The following HHIPL1 variants were observed in gnomAD, a reference collection of about 807,000 sequenced individuals.
HHIPL1 encodes the protein HHIP-like protein 1.
HHIPL1 carries 43 observed loss-of-function variants against 61.8 expected under a neutral mutation model. That is an observed-to-expected ratio of 0.70 (90% CI 0.55 to 0.90). HHIPL1 has a LOEUF of 0.90. Ranked by LOEUF, HHIPL1 falls within the 40% of genes least tolerant of loss-of-function variation. The pLI, the probability that HHIPL1 is intolerant of heterozygous loss-of-function variation, is 0.00. For missense variants in HHIPL1, 1,056 were observed against 1,157.7 expected, an observed-to-expected ratio of 0.91 and a Z score of 1.28; for synonymous variants, 482 against 515.8, an observed-to-expected ratio of 0.93 and a Z score of 0.89.
chr14:99,637,216 GAAAGAA>G, the HHIPL1 span, among the ~76,000 whole-genome samples: 3 of 121,632 alleles, frequency 2.5e-5, no homozygotes, highest in Admixed American at 1.6e-4. Context: ...AAGAAAGAAA[GAAAGAA>G]AGAAAGAAAG....
At chr14:99,635,915 G>A in the HHIPL1 span, among the ~76,000 whole-genome samples, 1 of 152,192 alleles carries the variant, frequency 6.6e-6, no homozygotes, top group Non-Finnish European at 1.5e-5. Flanking sequence ...GAAACGTGGA[G>A]CAGGAGTCCT....
Position 99,657,038 on chromosome 14 carries a change from A to G in HHIPL1, c.941A>G (p.Asn314Ser). ...GTCAAAGAACCAGCCTCAAACCACA[A>G]CGGGGGCCAGCTGCTTTTCGGGGAT... ...LEVKEPASNH[N>S]GGQLLFGDDG... The change falls in exon 3 of 9, where the codon AAC (asparagine) becomes AGC (serine). Residue 314 changes from asparagine (N) to serine (S), a missense_variant. Transcript: ENST00000330710. 3.1e-6 allele frequency: 5 copies of G among 1,613,500 alleles called. No individual in the cohort carries two copies. Among genetic ancestry groups the G allele is most frequent in the Non-Finnish European group, 4.2e-6 (5 of 1,179,758 alleles).
chr14:99,636,631 C>T, the HHIPL1 span, among the ~76,000 whole-genome samples: 1 of 151,786 alleles, frequency 6.6e-6, no homozygotes, highest in African/African-American at 2.4e-5. Flanking sequence ...AGTGAATTGC[C>T]CTTTAGTGTA....
intron 1 of HHIPL1, among the ~76,000 whole-genome samples, chr14:99,648,524 G>A (rs913438129): frequency 1.3e-5 from 2 of 152,204 alleles, no homozygotes; most frequent in Non-Finnish European, 2.9e-5. Context: ...GGAGTGGACA[G>A]ACATGCAAAG....
chr14:99,610,717 T>C, the HHIPL1 span, among the ~76,000 whole-genome samples: 3 of 152,016 alleles, frequency 2.0e-5, no homozygotes, highest in African/African-American at 4.8e-5. Flanking sequence ...GCAGAGATCA[T>C]GCCACTGCAC....
the HHIPL1 span, among the ~76,000 whole-genome samples, chr14:99,636,023 C>T: frequency 6.6e-6 from 1 of 152,136 alleles, no homozygotes; most frequent in African/African-American, 2.4e-5. Context: ...CCACTTGTGG[C>T]TTCAGGAAGA....
Position 99,672,298 on chromosome 14 carries a change from T to C in HHIPL1, c.1731-19T>C, listed in dbSNP as rs1260376713. 5.8e-6 allele frequency: 9 copies of C among 1,550,004 alleles called. No homozygotes were observed. The Admixed American group carries it at 1.6e-4, about 27-fold the overall frequency. ...GGCTCCCAGGGTGAGACTCATAACC[T>C]CCTGTGTGTCGTTGGCAGGCGGGCA... On this transcript the variant is annotated intron_variant, in intron 7 of 8. Transcript: ENST00000330710.
Position 99,662,981 on chromosome 14 carries a change from C to T in HHIPL1, c.1608C>T (p.Asn536=), listed in dbSNP as rs1363052169. 6.2e-7 allele frequency: 1 copy of T among 1,613,784 alleles called. No individual in the cohort carries two copies. Among genetic ancestry groups the T allele is most frequent in the Non-Finnish European group, 8.5e-7 (1 of 1,179,852 alleles). Residue 536 remains asparagine, a synonymous_variant, in exon 6 of 9, where the codon AAC becomes AAT. Transcript: ENST00000330710. ...QTCEFPGLIN[N]YYPYIISFGE... Reference sequence around the variant, plus strand: ...GTGAGTTCCCAGGCCTCATCAACAACTACTACCCGTACATCATCTCCTTCG... The same window carrying T: ...GTGAGTTCCCAGGCCTCATCAACAATTACTACCCGTACATCATCTCCTTCG...
At chr14:99,646,212 A>T (rs747993748) in intron 1 of HHIPL1, among the ~76,000 whole-genome samples, 1 of 152,216 alleles carries the variant, frequency 6.6e-6, no homozygotes, top group Non-Finnish European at 1.5e-5. Context: ...CCAGGGCCTG[A>T]CCACACCCAA....
chr14:99,646,134 G>A lies in HHIPL1; in HGVS notation c.255+672G>A, dbSNP rs962701205. On this transcript the variant is annotated intron_variant, in intron 1 of 8. Transcript: ENST00000330710. ...CCCCCATCTTCCCTCTGAGGGTGGA[G>A]CCCCTGCTTCTGTGCACACCTGGTG... Among the ~76,000 whole-genome samples the A allele has an allele frequency of 6.6e-5, 10 of 152,286 alleles. No individual in the cohort carries two copies. The East Asian group carries it at 1.2e-3, about 18-fold the overall frequency.
chr14:99,675,758 CAT>C lies in HHIPL1; in HGVS notation c.*133_*134del. On this transcript the variant is annotated 3_prime_UTR_variant, in exon 9 of 9. Coordinates refer to ENST00000330710, the MANE Select transcript of HHIPL1 (RefSeq NM_001127258.3). The surrounding 1 kb of genome is among the most constrained non-coding windows in gnomAD (Gnocchi z 5.4). ...GTGCGGGTGTGTGCTGTCCTGGGGACATGTGTGAGGCGCTGCAGTGCATGTGT... is the reference window on the plus strand; with the variant it reads ...GTGCGGGTGTGTGCTGTCCTGGGGACGTGTGAGGCGCTGCAGTGCATGTGT... 2.2e-6 allele frequency: 2 copies of C among 915,066 alleles called. No individual in the cohort carries two copies. Among genetic ancestry groups the C allele is most frequent in the Non-Finnish European group, 3.1e-6 (2 of 637,166 alleles). 56.7% of individuals were successfully genotyped at this position (915,066 alleles called of 1,614,324 possible). A position where few individuals can be genotyped will look rare whatever the true frequency, so the allele number is the denominator to read the frequency against.
At chr14:99,637,244 GAAAGAAA>G in the HHIPL1 span, among the ~76,000 whole-genome samples, 1 of 143,990 alleles carries the variant, frequency 6.9e-6, no homozygotes, top group African/African-American at 2.7e-5. Context: ...AAGAAAGAAA[GAAAGAAA>G]GAAAGAAAGA....
the HHIPL1 span, among the ~76,000 whole-genome samples, chr14:99,615,305 T>G: frequency 3.9e-5 from 6 of 152,078 alleles, no homozygotes; most frequent in Non-Finnish European, 5.9e-5. Flanking sequence ...CCCAGCACTT[T>G]AGGAGCCCAG....
At chr14:99,641,591 T>C (rs1270862359), upstream of HHIPL1, among the ~76,000 whole-genome samples, 3 of 151,946 alleles carry the variant, frequency 2.0e-5, no homozygotes. Flanking sequence ...TTTTTTGTAT[T>C]TTTGTAGAGC....
chr14:99,660,377 C>T lies in HHIPL1; in HGVS notation c.1473C>T (p.Gly491=), dbSNP rs1302539133. The change falls in exon 5 of 9, where the codon GGC becomes GGT. Residue 491 remains glycine, a synonymous_variant. Coordinates refer to ENST00000330710, the MANE Select transcript of HHIPL1 (RefSeq NM_001127258.3). This position sits in a 1 kb window ranked among gnomAD's most constrained non-coding sequence, Gnocchi z 4.9. ...YRGCEYPNLN[G]LYIFGDFMSG... is the part of the protein sequence containing the mutation. ...GCTGCGAGTACCCCAACCTGAACGG[C>T]CTCTACATTTTTGGGGATTTCATGA... 3 of 1,613,850 alleles carry T rather than the reference C, an allele frequency of 1.9e-6. No homozygotes were observed. Among genetic ancestry groups the T allele is most frequent in the Middle Eastern group, 1.7e-4 (1 of 6,056 alleles).
the HHIPL1 span, among the ~76,000 whole-genome samples, chr14:99,622,639 C>T: frequency 6.6e-6 from 1 of 152,186 alleles, no homozygotes; most frequent in Non-Finnish European, 1.5e-5. Flanking sequence ...ACATACTGTG[C>T]TGGCCGTGTC....
the HHIPL1 span, among the ~76,000 whole-genome samples, chr14:99,633,278 C>A: frequency 1.3e-5 from 2 of 152,358 alleles, no homozygotes; most frequent in African/African-American, 4.8e-5. Context: ...GGTGCGCCAA[C>A]CCCTGCACAC....
At chr14:99,611,682 C>G in the HHIPL1 span, among the ~76,000 whole-genome samples, 1 of 151,060 alleles carries the variant, frequency 6.6e-6, no homozygotes. Context: ...CCTGCCTCAG[C>G]CTCCTAAAGT....
intron 1 of HHIPL1, among the ~76,000 whole-genome samples, chr14:99,646,617 T>C (rs1204478126): frequency 6.6e-6 from 1 of 151,836 alleles, no homozygotes; most frequent in Non-Finnish European, 1.5e-5. Flanking sequence ...TCTACAAAAA[T>C]ACAAAAATTA....
Sources: gnomAD v4.1 joint callset for allele counts (sites outside exome capture counted in the v4.1 genomes callset) on GRCh38, gnomAD v4.1.1 for gene constraint, Gnocchi (gnomAD v3.1) non-coding constraint, MANE v1.5 for transcripts, NCBI Gene and HGNC (gene_info 2026-07-23, HGNC 2026-07-21) for gene names.